The following PPCDC variants were observed in gnomAD, a reference collection of about 807,000 sequenced individuals.
The protein encoded by PPCDC is phosphopantothenoylcysteine decarboxylase.
A neutral mutation model predicts 20.7 loss-of-function variants in PPCDC; 20 were observed. The ratio of observed to expected loss-of-function variants is 0.97; its 90% CI spans 0.68 to 1.41. The LOEUF (loss-of-function observed/expected upper bound fraction) is 1.41. Ranked by LOEUF, PPCDC falls within the 40% of genes most tolerant of loss-of-function variation. PPCDC has a pLI of 0.00. For missense variants in PPCDC, 246 were observed against 263.8 expected, an observed-to-expected ratio of 0.93 and a Z score of 0.47; for synonymous variants, 88 against 100.3, an observed-to-expected ratio of 0.88 and a Z score of 0.73.
At position 75,028,405 on chromosome 15, in the gene PPCDC, A is replaced by G. The variant is rs1397415605; in HGVS notation, c.87A>G (p.Ala29=). ...TTGTGGGTGTCACGGGGAGTGTCGC[A>G]GCCCTGAAGTTGCCTCTTCTGGTGT... ...HVLVGVTGSV[A]ALKLPLLVSK... The change falls in exon 2 of 6, where the codon GCA becomes GCG. Residue 29 remains alanine, a synonymous_variant. Coordinates refer to ENST00000342932, the MANE Select transcript of PPCDC (RefSeq NM_021823.5). 1 of 1,614,220 alleles carries G rather than the reference A, an allele frequency of 6.2e-7. No individual in the cohort carries two copies. The highest frequency in any genetic ancestry group is 8.5e-7 in the Non-Finnish European group (1 of 1,180,050).
rs1325202136 is a variant in PPCDC, at chr15:75,049,696, T to C, written c.*461T>C. 6.3e-6 allele frequency: 1 copy of C among 159,606 alleles called. No homozygotes were observed. Among genetic ancestry groups the C allele is most frequent in the Non-Finnish European group, 1.4e-5 (1 of 72,886 alleles). The allele number at this position is 159,606 out of a possible 1,614,324, so 9.9% of individuals were successfully genotyped here. A position where few individuals can be genotyped will look rare whatever the true frequency, so the allele number is the denominator to read the frequency against. On this transcript the variant is annotated 3_prime_UTR_variant, in exon 6 of 6. Transcript: ENST00000342932. ...GGACTCTGAGGTTTCCTGCAGACCA[T>C]GCCATGAGATTGAAGGTGCGGGGAA...
rs143040094 is a variant in PPCDC, at chr15:75,025,710, G to A, written c.-73+2084G>A. Among the ~76,000 whole-genome samples the A allele has an allele frequency of 2.0e-5, 3 of 152,144 alleles. No individual in the cohort carries two copies. In the South Asian group the frequency reaches 6.2e-4, roughly 32 times the overall value. ...AGTTCCTGTGAATTCAGCAGAGCCC[G>A]GGGAAGTCAGGTACTACAGCTACCT... On this transcript the variant is annotated intron_variant, in intron 1 of 5. Coordinates refer to ENST00000342932, the MANE Select transcript of PPCDC (RefSeq NM_021823.5).
At chr15:75,042,045 A>T (rs1473477270) in intron 2 of PPCDC, among the ~76,000 whole-genome samples, 1 of 152,230 alleles carries the variant, frequency 6.6e-6, no homozygotes, top group Non-Finnish European at 1.5e-5. Flanking sequence ...GAACTCAGGA[A>T]ATTGAATTTT....
chr15:75,034,903 G>A (rs893344930), intron 2 of PPCDC, among the ~76,000 whole-genome samples: 4 of 152,080 alleles, frequency 2.6e-5, no homozygotes, highest in African/African-American at 9.7e-5. Context: ...TCCTTTTCTT[G>A]TATATGCCAG....
At chr15:75,042,297 CCT>C (rs1051435083) in intron 2 of PPCDC, among the ~76,000 whole-genome samples, 1 of 152,166 alleles carries the variant, frequency 6.6e-6, no homozygotes. Context: ...CCTATACACC[CCT>C]CTCCCCAACA....
rs1595910652 is a variant in PPCDC at position 75,043,553 on chromosome 15, C to G, written c.231+17C>G. 6.3e-7 allele frequency: 1 copy of G among 1,583,252 alleles called. No individual in the cohort carries two copies. Among genetic ancestry groups the G allele is most frequent in the Middle Eastern group, 1.7e-4 (1 of 6,004 alleles). On this transcript the variant is annotated intron_variant, in intron 3 of 5. Coordinates refer to ENST00000342932, the MANE Select transcript of PPCDC (RefSeq NM_021823.5). The stretch of plus-strand genomic sequence containing the variant: ...GAATGGGAGGTCAGTGCTGGGGCCC[C>G]TGGGCTGAGTTCCATTGAGTTTCCA...
intron 1 of PPCDC, among the ~76,000 whole-genome samples, chr15:75,026,294 C>T (rs2065959239): frequency 6.6e-6 from 1 of 152,172 alleles, no homozygotes; most frequent in South Asian, 2.1e-4. Flanking sequence ...CATCACCTAC[C>T]AATGATGTGT....
chr15:75,049,062 T>C (rs1420483852), intron 5 of PPCDC, 88 bp from the exon 6 acceptor site: 2 of 1,272,786 alleles, frequency 1.6e-6, no homozygotes, highest in African/African-American at 2.9e-5. Flanking sequence ...CCTTGGGCTC[T>C]GGGTGGAGCA....
In PPCDC at chr15:75,032,725, C is replaced by CG. The variant is rs386383496; in HGVS notation, c.135+4272_135+4273insG. Among the ~76,000 whole-genome samples the CG allele has an allele frequency of 2.3e-3, 42 of 18,418 alleles. 3 individuals are homozygous for CG. The highest frequency in any genetic ancestry group is 2.6e-3 in the African/African-American group (34 of 13,116). 12.1% of individuals were successfully genotyped at this position (18,418 alleles called of 152,430 possible). Reference sequence around the variant, plus strand: ...AGGGTGTAGGAGCTAGCAAACTGGACCCCCCCCCCCAAGGCCAAATTCGGC... The same window carrying CG: ...AGGGTGTAGGAGCTAGCAAACTGGACGCCCCCCCCCCAAGGCCAAATTCGGC... On this transcript the variant is annotated intron_variant, in intron 2 of 5. Coordinates refer to ENST00000342932, the MANE Select transcript of PPCDC (RefSeq NM_021823.5).
intron 2 of PPCDC, among the ~76,000 whole-genome samples, chr15:75,040,351 T>C (rs1358085795): frequency 6.6e-6 from 1 of 152,240 alleles, no homozygotes; most frequent in Non-Finnish European, 1.5e-5. Context: ...GTGCTGGGAT[T>C]ACAGGCGTGA....
chr15:75,049,246 C>G lies in PPCDC; in HGVS notation c.*11C>G. The G allele has an allele frequency of 6.2e-7, 1 of 1,611,944 alleles. No homozygotes were observed. The highest frequency in any genetic ancestry group is 8.5e-7 in the Non-Finnish European group (1 of 1,177,960). On this transcript the variant is annotated 3_prime_UTR_variant, in exon 6 of 6. Coordinates refer to ENST00000342932, the MANE Select transcript of PPCDC (RefSeq NM_021823.5). ...TTCCAGCAGAGTTGACCTGGGATTT[C>G]TGTCATGGGTGTCCCTCTGTACTCA...
At chr15:75,044,288 T>C in intron 3 of PPCDC, 98 bp from the exon 4 acceptor site, 1 of 1,533,704 alleles carries the variant, frequency 6.5e-7, no homozygotes, top group African/African-American at 1.4e-5. Context: ...GCAGGGCAGG[T>C]CAGTGGGTTC....
At chr15:75,035,041 TA>T (rs936090716) in intron 2 of PPCDC, among the ~76,000 whole-genome samples, 1 of 152,056 alleles carries the variant, frequency 6.6e-6, no homozygotes, top group East Asian at 1.9e-4. Context: ...TAGAATTTAA[TA>T]AAAAATTCAG....
At chr15:75,048,408 T>A in intron 4 of PPCDC, 145 bp from the exon 5 acceptor site, 1 of 1,104,906 alleles carries the variant, frequency 9.1e-7, no homozygotes. Context: ...CCCCCACCCC[T>A]GAGGGATGAG....
At chr15:75,023,822 T>A (rs1465865436) in intron 1 of PPCDC, among the ~76,000 whole-genome samples, 196 bp downstream of exon 1, 1 of 152,190 alleles carries the variant, frequency 6.6e-6, no homozygotes, top group Non-Finnish European at 1.5e-5. Context: ...CTTTCCCGGC[T>A]GTACGGGTGG....
intron 2 of PPCDC, among the ~76,000 whole-genome samples, chr15:75,033,781 C>T (rs1337250665): frequency 6.6e-6 from 1 of 152,076 alleles, no homozygotes; most frequent in East Asian, 1.9e-4. Context: ...AGCCCTGTCA[C>T]CTGCTCCTCT....
At chr15:75,047,687 C>T (rs2066255967) in intron 4 of PPCDC, among the ~76,000 whole-genome samples, 1 of 152,254 alleles carries the variant, frequency 6.6e-6, no homozygotes, top group African/African-American at 2.4e-5. Flanking sequence ...GCCATTCTCA[C>T]CTCAGTCCTC....
At chr15:75,040,337 C>A (rs1289585862) in intron 2 of PPCDC, among the ~76,000 whole-genome samples, 1 of 151,854 alleles carries the variant, frequency 6.6e-6, no homozygotes, top group Non-Finnish European at 1.5e-5. Flanking sequence ...CTCAGTCTCC[C>A]AAAGTGCTGG....
chr15:75,045,908 TAA>T (rs34892601), intron 4 of PPCDC, among the ~76,000 whole-genome samples: 60 of 140,410 alleles, frequency 4.3e-4, no homozygotes, highest in Admixed American at 5.7e-4. Flanking sequence ...TGTCTCTAGT[TAA>T]AAAAAAAAAA....
Sources: gnomAD v4.1 joint callset for allele counts (sites outside exome capture counted in the v4.1 genomes callset) on GRCh38, gnomAD v4.1.1 for gene constraint, MANE v1.5 for transcripts, NCBI Gene and HGNC (gene_info 2026-07-23, HGNC 2026-07-21) for gene names.